Variants in RECK observed in about 807,000 individuals in gnomAD.
RECK encodes the protein reversion-inducing cysteine-rich protein with Kazal motifs.
A neutral mutation model predicts 115.1 loss-of-function variants in RECK; 69 were observed. That is an observed-to-expected ratio of 0.60 (90% CI 0.49 to 0.73). The LOEUF (loss-of-function observed/expected upper bound fraction) is 0.73. Ranked by LOEUF, RECK falls within the 30% of genes least tolerant of loss-of-function variation. The probability of loss-of-function intolerance (pLI) is 0.00; values close to 1 mark genes in which losing one functional copy is unlikely to be tolerated. For synonymous variants in RECK, 414 were observed against 419.7 expected (o/e 0.99, Z 0.17); for missense variants, 1,047 against 1,203.7 (o/e 0.87, Z 1.93).
rs1368995489 is a variant in RECK at position 36,094,478 on chromosome 9, G to C, written c.1085+3135G>C. The stretch of plus-strand genomic sequence containing the variant: ...ACACAACACAAAGAGGTATAGCTAA[G>C]AAGCTAATAGGAAATATAAAATGGA... On this transcript the variant is annotated intron_variant, in intron 10 of 20. Transcript: ENST00000377966. This position sits in a 1 kb window ranked among gnomAD's most constrained non-coding sequence, Gnocchi z 4.1. 6.6e-6 allele frequency among the ~76,000 whole-genome samples: 1 copy of C among 152,012 alleles called. No homozygotes were observed. Among genetic ancestry groups the C allele is most frequent in the Non-Finnish European group, 1.5e-5 (1 of 67,972 alleles).
intron 1 of RECK, among the ~76,000 whole-genome samples, chr9:36,050,350 CA>C (rs1227372363): frequency 6.6e-6 from 1 of 152,118 alleles, no homozygotes; most frequent in Non-Finnish European, 1.5e-5. Flanking sequence ...AAAAACCTTA[CA>C]GTCATTCTTA....
chr9:36,067,012 A>G (rs146134967), intron 6 of RECK: 160 of 386,636 alleles, frequency 4.1e-4, no homozygotes, highest in African/African-American at 3.1e-3. Flanking sequence ...TTTTATATTA[A>G]AAGTTGATCC....
chr9:36,087,509 G>A (rs1823010812), intron 8 of RECK, among the ~76,000 whole-genome samples, 185 bp from the exon 9 acceptor site: 1 of 152,160 alleles, frequency 6.6e-6, no homozygotes, highest in African/African-American at 2.4e-5. Flanking sequence ...GGGGCTAGGG[G>A]AGGGATAGCA....
At chr9:36,065,115 A>G (rs138106529) in intron 5 of RECK, among the ~76,000 whole-genome samples, 80 of 151,846 alleles carry the variant, frequency 5.3e-4, no homozygotes, top group African/African-American at 1.9e-3. Context: ...CCTCCGTTAT[A>G]TACTCAGCAA....
At chr9:36,051,384 C>T (rs533165997) in intron 1 of RECK, among the ~76,000 whole-genome samples, 11 of 152,324 alleles carry the variant, frequency 7.2e-5, no homozygotes, top group African/African-American at 2.2e-4. Flanking sequence ...TCCTTCCCAT[C>T]GTTGCTAGAC....
At chr9:36,112,240 C>T in intron 15 of RECK, 65 bp from the exon 16 acceptor site, 3 of 1,496,200 alleles carry the variant, frequency 2.0e-6, no homozygotes. Context: ...TTTGCCTTAA[C>T]AAGGAAATAT....
chr9:36,059,588 ATATG>A (rs1465194762), intron 3 of RECK, among the ~76,000 whole-genome samples: 9 of 152,206 alleles, frequency 5.9e-5, no homozygotes, highest in African/African-American at 1.9e-4. Context: ...AAGGGAAAAT[ATATG>A]ACTTATTATC....
At position 36,074,743 on chromosome 9, in the gene RECK, G is replaced by A. The variant is rs2224888; in HGVS notation, c.406-5862G>A. On this transcript the variant is annotated intron_variant, in intron 6 of 20. Coordinates refer to ENST00000377966, the MANE Select transcript of RECK (RefSeq NM_021111.3). Reference sequence around the variant, plus strand: ...GTCTTACACTCTTGGAATGCATGGAGAAAGTGCTCATTTTCTACTGTACTG... The same window carrying A: ...GTCTTACACTCTTGGAATGCATGGAAAAAGTGCTCATTTTCTACTGTACTG... 3.8e-3 allele frequency among the ~76,000 whole-genome samples: 583 copies of A among 152,298 alleles called. 4 individuals are homozygous for A. The highest frequency in any genetic ancestry group is 0.014 in the African/African-American group (562 of 41,552).
intron 10 of RECK, among the ~76,000 whole-genome samples, chr9:36,097,308 A>C (rs2132646022): frequency 6.7e-6 from 1 of 150,252 alleles, no homozygotes. Flanking sequence ...AGCCTGGGCG[A>C]CAGACCAAGA....
chr9:36,114,425 G>A (rs1330002861), intron 16 of RECK, among the ~76,000 whole-genome samples: 1 of 152,194 alleles, frequency 6.6e-6, no homozygotes, highest in Non-Finnish European at 1.5e-5. Context: ...GGAAATAGCT[G>A]CTTTCATACA....
chr9:36,084,726 A>G lies in RECK; in HGVS notation c.637+1164A>G, dbSNP rs141375454. Reference sequence around the variant, plus strand: ...GAAGGAAGGAAGGGATGAAGGGAGGAAGGGAGGGAGGGAGGGAGGAAGGAA... The same window carrying G: ...GAAGGAAGGAAGGGATGAAGGGAGGGAGGGAGGGAGGGAGGGAGGAAGGAA... On this transcript the variant is annotated intron_variant, in intron 8 of 20. Transcript: ENST00000377966. 5.1e-4 allele frequency among the ~76,000 whole-genome samples: 75 copies of G among 146,480 alleles called. No homozygotes were observed. In the East Asian group the frequency reaches 0.01, roughly 20 times the overall value.
At chr9:36,046,174 G>A (rs1197415952) in intron 1 of RECK, among the ~76,000 whole-genome samples, 2 of 152,058 alleles carry the variant, frequency 1.3e-5, no homozygotes, top group African/African-American at 4.8e-5. Flanking sequence ...AATATGTTAG[G>A]ATCAAATTAT....
intron 13 of RECK, 104 bp from the exon 14 acceptor site, chr9:36,107,872 T>G (rs1823883951): frequency 4.0e-6 from 3 of 757,612 alleles, no homozygotes; most frequent in Admixed American, 5.6e-5. Flanking sequence ...TAATCTTTAA[T>G]AGTGATTTAG....
chr9:36,072,627 T>C (rs1044837814), intron 6 of RECK: 2 of 152,332 alleles, frequency 1.3e-5, no homozygotes, highest in Middle Eastern at 6.8e-3. Context: ...TAGAAGACTA[T>C]GAATGAGAGG....
chr9:36,062,123 G>C (rs1385064511), intron 4 of RECK, among the ~76,000 whole-genome samples: 1 of 150,692 alleles, frequency 6.6e-6, no homozygotes, highest in Non-Finnish European at 1.5e-5. Flanking sequence ...CAAGCATAAG[G>C]CTTTTCTCTT....
rs1239579879 is a variant in RECK at position 36,123,713 on chromosome 9, T to C, written c.*668T>C. 1 of 152,242 alleles carries C rather than the reference T, an allele frequency of 6.6e-6. No homozygotes were observed. The highest frequency in any genetic ancestry group is 2.4e-5 in the African/African-American group (1 of 41,462). The allele number at this position is 152,242 out of a possible 1,614,324, so 9.4% of individuals were successfully genotyped here. On this transcript the variant is annotated 3_prime_UTR_variant, in exon 21 of 21. Transcript: ENST00000377966. ...AACAGGCTCACTGGTCACGGATTTGTGTCTGTGACTTTTGTGAAAGGGAGA... is the reference window on the plus strand; with the variant it reads ...AACAGGCTCACTGGTCACGGATTTGCGTCTGTGACTTTTGTGAAAGGGAGA...
At chr9:36,095,144 C>G (rs1475785543) in intron 10 of RECK, among the ~76,000 whole-genome samples, 1 of 151,998 alleles carries the variant, frequency 6.6e-6, no homozygotes, top group African/African-American at 2.4e-5. Context: ...TGCAGTAAGC[C>G]AAGATTGCAC....
chr9:36,113,053 A>G (rs1446911257), intron 16 of RECK, among the ~76,000 whole-genome samples: 1 of 152,200 alleles, frequency 6.6e-6, no homozygotes, highest in African/African-American at 2.4e-5. Flanking sequence ...TGGAAATGCA[A>G]CTTCACTACT....
At chr9:36,041,332 T>A (rs543597319) in intron 1 of RECK, among the ~76,000 whole-genome samples, 1 of 152,206 alleles carries the variant, frequency 6.6e-6, no homozygotes, top group Non-Finnish European at 1.5e-5. Flanking sequence ...TATTAAGAGA[T>A]GTGTTCTGAC....
Sources: gnomAD v4.1 joint callset for allele counts (sites outside exome capture counted in the v4.1 genomes callset) on GRCh38, gnomAD v4.1.1 for gene constraint, Gnocchi (gnomAD v3.1) non-coding constraint, MANE v1.5 for transcripts, NCBI Gene and HGNC (gene_info 2026-07-23, HGNC 2026-07-21) for gene names.